The following PLEKHA6 variants were observed in gnomAD, a reference collection of about 807,000 sequenced individuals.
The protein encoded by PLEKHA6 is pleckstrin homology domain containing A6.
PLEKHA6 carries 60 observed loss-of-function variants against 116.7 expected under a neutral mutation model. The observed-to-expected ratio is 0.51, with a 90% CI of 0.42 to 0.64. The LOEUF is 0.64. PLEKHA6 is among the 30% of genes least tolerant of loss of function. The pLI is 0.00. For missense variants in PLEKHA6, 1,338 were observed against 1,422.7 expected (o/e 0.94, Z 0.96); for synonymous variants, 489 against 556.1 (o/e 0.88, Z 1.70).
At chr1:204,240,825 CCAAA>C (rs1662705884) in intron 17 of PLEKHA6, among the ~76,000 whole-genome samples, 1 of 152,056 alleles carries the variant, frequency 6.6e-6, no homozygotes, top group Non-Finnish European at 1.5e-5. Context: ...GAGGGTGTTG[CCAAA>C]ACAGATTAAC....
intron 1 of PLEKHA6, among the ~76,000 whole-genome samples, chr1:204,329,564 C>G (rs4077535): frequency 3.9e-5 from 6 of 152,174 alleles, no homozygotes; most frequent in Non-Finnish European, 5.9e-5. Context: ...AACCAGACAT[C>G]GTGTGCCTCC....
At chr1:204,244,668 T>C (rs1285982574) in intron 15 of PLEKHA6, among the ~76,000 whole-genome samples, 196 bp downstream of exon 15, 1 of 152,102 alleles carries the variant, frequency 6.6e-6, no homozygotes, top group Non-Finnish European at 1.5e-5. Context: ...CAGATGGAGA[T>C]GAGAACAGGT....
At chr1:204,349,797 T>C (rs1673215804) in intron 1 of PLEKHA6, among the ~76,000 whole-genome samples, 1 of 152,206 alleles carries the variant, frequency 6.6e-6, no homozygotes, top group African/African-American at 2.4e-5. Flanking sequence ...GGAGGGCCTA[T>C]ACATACCTGA....
At chr1:204,376,023 T>G (rs12037061) in intron 1 of PLEKHA6, among the ~76,000 whole-genome samples, 31,772 of 149,076 alleles carry the variant, frequency 0.21, 3,683 homozygotes, top group African/African-American at 0.28. Flanking sequence ...CATAGCATCA[T>G]GCAAATGCCT....
intron 1 of PLEKHA6, among the ~76,000 whole-genome samples, chr1:204,329,454 C>T (rs990412654): frequency 8.5e-5 from 13 of 152,080 alleles, no homozygotes; most frequent in African/African-American, 1.7e-4. Context: ...AAAGAAGCAA[C>T]GTCTAATTAG....
At chr1:204,287,830 G>T (rs897357516) in intron 1 of PLEKHA6, among the ~76,000 whole-genome samples, 2 of 152,222 alleles carry the variant, frequency 1.3e-5, no homozygotes, top group Non-Finnish European at 2.9e-5. Context: ...TGTGCTCAGG[G>T]TGGCCACACA....
upstream of PLEKHA6, among the ~76,000 whole-genome samples, chr1:204,363,129 T>C (rs763198426): frequency 6.6e-6 from 1 of 152,200 alleles, no homozygotes; most frequent in Non-Finnish European, 1.5e-5. Flanking sequence ...AGAACTGCTT[T>C]TGGTGGCTCC....
Position 204,261,336 on chromosome 1 carries a change from T to C in PLEKHA6, c.494A>G (p.Gln165Arg), listed in dbSNP as rs532977977. The C allele has an allele frequency of 5.6e-6, 9 of 1,614,152 alleles. No homozygotes were observed. The East Asian group carries it at 1.1e-4, about 20-fold the overall frequency. The change falls in exon 7 of 23, where the codon CAG becomes CGG. Residue 165 changes from glutamine (Q) to arginine (R), a missense_variant. Transcript: ENST00000272203. This position sits in a 1 kb window ranked among gnomAD's most constrained non-coding sequence, Gnocchi z 4.0. ...EAARVQIPPA[Q>R]KSVPQAVRHS... Reference sequence around the variant, plus strand: ...CCGCACAGCTTGGGGCACTGACTTCTGGGCTGGAGGGATCTGTACTCGAGC... The same window carrying C: ...CCGCACAGCTTGGGGCACTGACTTCCGGGCTGGAGGGATCTGTACTCGAGC...
rs200763803 is a variant in PLEKHA6 at position 204,245,611 on chromosome 1, C to G, written c.2032+4G>C. The G allele has an allele frequency of 4.9e-5, 77 of 1,582,614 alleles. No individual in the cohort carries two copies. In the South Asian group the frequency reaches 7.2e-4, roughly 15 times the overall value. On this transcript the variant is annotated splice_donor_region_variant and intron_variant, in intron 14 of 22. Coordinates refer to ENST00000272203, the MANE Select transcript of PLEKHA6 (RefSeq NM_014935.5). ...CCTAGGAGGCTGGCACAGGAGGCAC[C>G]CACCTCTGTGCTTGGCGGTGTCCGT... is the stretch of plus-strand genomic sequence containing the variant.
chr1:204,302,839 G>T (rs942961702), intron 1 of PLEKHA6, among the ~76,000 whole-genome samples: 5 of 152,056 alleles, frequency 3.3e-5, no homozygotes, highest in Non-Finnish European at 7.3e-5. Context: ...TCAAGCCATT[G>T]CACTCCAGCC....
intron 1 of PLEKHA6, among the ~76,000 whole-genome samples, chr1:204,356,927 A>G (rs1673431136): frequency 6.6e-6 from 1 of 152,232 alleles, no homozygotes. Context: ...CAAAACACAG[A>G]AAGAGCCTTA....
intron 1 of PLEKHA6, among the ~76,000 whole-genome samples, chr1:204,374,484 C>A (rs1435679754): frequency 6.6e-6 from 1 of 152,142 alleles, no homozygotes; most frequent in African/African-American, 2.4e-5. Context: ...GCCCAATCAC[C>A]TCACCACCAA....
intron 1 of PLEKHA6, among the ~76,000 whole-genome samples, chr1:204,335,648 G>C (rs1672621956): frequency 1.3e-5 from 2 of 152,082 alleles, no homozygotes; most frequent in African/African-American, 4.8e-5. Context: ...TGCCAGTTTT[G>C]ACAAGCAGAG....
chr1:204,361,571 C>T (rs1673561277), upstream of PLEKHA6, among the ~76,000 whole-genome samples: 2 of 152,366 alleles, frequency 1.3e-5, no homozygotes, highest in East Asian at 1.9e-4. Context: ...GGGAGGGGGA[C>T]TCTTGGTCAC....
rs900091049 is a variant in PLEKHA6, at chr1:204,261,162, C to T, written c.524+144G>A. Reference sequence around the variant, plus strand: ...TCTGAAATCACTCAGCCAGGCCTCCCGCCTGGATGCAAGGAGACGGCTCAC... The same window carrying T: ...TCTGAAATCACTCAGCCAGGCCTCCTGCCTGGATGCAAGGAGACGGCTCAC... On this transcript the variant is annotated intron_variant, in intron 7 of 22. Coordinates refer to ENST00000272203, the MANE Select transcript of PLEKHA6 (RefSeq NM_014935.5). This position sits in a 1 kb window ranked among gnomAD's most constrained non-coding sequence, Gnocchi z 4.0. The T allele has an allele frequency of 2.4e-5, 23 of 948,030 alleles. No homozygotes were observed. The highest frequency in any genetic ancestry group is 3.1e-5 in the Non-Finnish European group (19 of 610,532). The allele number at this position is 948,030 out of a possible 1,614,324, so 58.7% of individuals were successfully genotyped here. A position where few individuals can be genotyped will look rare whatever the true frequency, so the allele number is the denominator to read the frequency against.
At position 204,257,608 on chromosome 1, in the gene PLEKHA6, C is replaced by T; in HGVS notation, c.1269G>A (p.Trp423Ter). 2 of 1,609,384 alleles carry T rather than the reference C, an allele frequency of 1.2e-6. No individual in the cohort carries two copies. Among genetic ancestry groups the T allele is most frequent in the Non-Finnish European group, 1.7e-6 (2 of 1,178,254 alleles). ...CTGGCTGCCGGGAGGGGCTTGGGAT[C>T]CAGACGGTGGCATCCTGCCGCCCGT... is the stretch of plus-strand genomic sequence containing the variant. ...ASYGRQDATVWIPSPSRQPVY... is the reference protein window; with the variant it reads ...ASYGRQDATV Residue 423 changes from tryptophan to a stop codon, truncating the protein, a stop_gained, in exon 9 of 23, where the codon TGG becomes TGA. Coordinates refer to ENST00000272203, the MANE Select transcript of PLEKHA6 (RefSeq NM_014935.5). LOFTEE classifies it high-confidence loss of function. This position sits in a 1 kb window ranked among gnomAD's most constrained non-coding sequence, Gnocchi z 6.5.
At chr1:204,281,275 C>A (rs540747250) in intron 1 of PLEKHA6, among the ~76,000 whole-genome samples, 1 of 152,184 alleles carries the variant, frequency 6.6e-6, no homozygotes, top group South Asian at 2.1e-4. Context: ...CCTGTCACCC[C>A]AGCACTTTGG....
In PLEKHA6 at chr1:204,374,042, C is replaced by A. The variant is rs1199229187; in HGVS notation, c.84-2436G>T. Among the ~76,000 whole-genome samples, 3 of 152,144 alleles carry A rather than the reference C, an allele frequency of 2.0e-5. No individual in the cohort carries two copies. In the East Asian group the frequency reaches 5.8e-4, roughly 29 times the overall value. ...CTCCCCTCCTTGCACACTGTCCGCCCCCTCAGATTCCCATCTATCTCTACC... is the reference window on the plus strand; with the variant it reads ...CTCCCCTCCTTGCACACTGTCCGCCACCTCAGATTCCCATCTATCTCTACC... On this transcript the variant is annotated intron_variant, in intron 1 of 4. Transcript: ENST00000564627.
chr1:204,282,975 A>G (rs1006532358), intron 1 of PLEKHA6, among the ~76,000 whole-genome samples: 1 of 152,204 alleles, frequency 6.6e-6, no homozygotes. Context: ...ACGGATCCCA[A>G]GGGGTAACAG....
Sources: allele counts gnomAD v4.1 joint callset (sites outside exome capture counted in the v4.1 genomes callset), GRCh38; gene constraint gnomAD v4.1.1; non-coding constraint Gnocchi (gnomAD v3.1); transcripts MANE v1.5; gene names NCBI Gene and HGNC (gene_info 2026-07-23, HGNC 2026-07-21).